Variants in RAB5C observed in about 807,000 individuals in gnomAD.
RAB5C encodes RAB5C, member RAS oncogene family.
A neutral mutation model predicts 25.2 loss-of-function variants in RAB5C; 4 were observed. That is an observed-to-expected ratio of 0.16 (90% confidence interval 0.08 to 0.36). The LOEUF (loss-of-function observed/expected upper bound fraction) is 0.36. Ranked by LOEUF, RAB5C falls within the 10% of genes least tolerant of loss-of-function variation. The pLI is 1.00. For synonymous variants in RAB5C, 100 were observed against 106.4 expected (o/e 0.94, Z 0.37); for missense variants, 199 against 283.8 (o/e 0.70, Z 2.15).
At chr17:42,151,178 T>C (rs1359263166) in intron 1 of RAB5C, among the ~76,000 whole-genome samples, 1 of 152,186 alleles carries the variant, frequency 6.6e-6, no homozygotes, top group Non-Finnish European at 1.5e-5. Flanking sequence ...GGCTCACGCC[T>C]GTAATCCCAG....
At chr17:42,145,955 T>C (rs2079632584) in intron 1 of RAB5C, among the ~76,000 whole-genome samples, 1 of 152,128 alleles carries the variant, frequency 6.6e-6, no homozygotes, top group Non-Finnish European at 1.5e-5. Context: ...TACAGGTGCG[T>C]ACCACCATGC....
At chr17:42,137,951 A>G (rs2054554511) in intron 1 of RAB5C, 1 of 152,246 alleles carries the variant, frequency 6.6e-6, no homozygotes, top group South Asian at 2.1e-4. Context: ...GAACAAAGAT[A>G]CCCAAATGTT....
chr17:42,126,651 A>AG, intron 5 of RAB5C, 104 bp downstream of exon 5: 2 of 471,756 alleles, frequency 4.2e-6, no homozygotes, highest in Admixed American at 7.7e-5. Flanking sequence ...AAAAAAAAAA[A>AG]AAAAAAAGAG....
intron 4 of RAB5C, among the ~76,000 whole-genome samples, chr17:42,127,661 C>T (rs1270280820): frequency 6.6e-6 from 1 of 151,196 alleles, no homozygotes; most frequent in Non-Finnish European, 1.5e-5. Flanking sequence ...CTCCCCACCT[C>T]GGCCTCCTGA....
intron 1 of RAB5C, among the ~76,000 whole-genome samples, chr17:42,132,435 C>T (rs1244259106): frequency 1.3e-5 from 2 of 152,196 alleles, no homozygotes; most frequent in Admixed American, 6.5e-5. Context: ...CTCATTTCAC[C>T]TCAGTCAATG....
intron 1 of RAB5C, among the ~76,000 whole-genome samples, chr17:42,146,097 G>C (rs553407692): frequency 6.6e-6 from 1 of 152,082 alleles, no homozygotes; most frequent in Non-Finnish European, 1.5e-5. Flanking sequence ...GTGAGTCACC[G>C]CGCCTGGCCG....
chr17:42,149,866 G>C (rs2079658580), intron 1 of RAB5C, among the ~76,000 whole-genome samples: 1 of 146,446 alleles, frequency 6.8e-6, no homozygotes, highest in African/African-American at 2.5e-5. Flanking sequence ...TCATTATGTT[G>C]CCCAGGCTGG....
chr17:42,132,808 T>C (rs1011850450), intron 1 of RAB5C, among the ~76,000 whole-genome samples: 2 of 152,080 alleles, frequency 1.3e-5, no homozygotes, highest in African/African-American at 4.8e-5. Flanking sequence ...GCACAACTAT[T>C]ATCTCCTTCA....
At chr17:42,148,648 G>A (rs1340638274) in intron 1 of RAB5C, among the ~76,000 whole-genome samples, 2 of 152,238 alleles carry the variant, frequency 1.3e-5, no homozygotes, top group Non-Finnish European at 2.9e-5. Flanking sequence ...GCCCATGTAG[G>A]AGACAAGCCC....
Position 42,132,068 on chromosome 17 carries a change from T to C in RAB5C, c.-88-1478A>G, listed in dbSNP as rs1025514617. Reference sequence around the variant, plus strand: ...CAAGGGAAGTACATTCCCTCATGGTTAAGGGACAGCAATGTGGATGAACAG... The same window carrying C: ...CAAGGGAAGTACATTCCCTCATGGTCAAGGGACAGCAATGTGGATGAACAG... On this transcript the variant is annotated intron_variant, in intron 1 of 5. Transcript: ENST00000346213. Among the ~76,000 whole-genome samples the C allele has an allele frequency of 7.9e-5, 12 of 152,246 alleles. No individual in the cohort carries two copies. The East Asian group carries it at 2.3e-3, about 29-fold the overall frequency.
intron 1 of RAB5C, among the ~76,000 whole-genome samples, 183 bp from the exon 2 acceptor site, chr17:42,130,773 A>G (rs1206119982): frequency 6.6e-6 from 1 of 151,474 alleles, no homozygotes; most frequent in Non-Finnish European, 1.5e-5. Flanking sequence ...CTAGATGTCT[A>G]CCGGCTCTAC....
At chr17:42,130,145 G>A (rs1248969459) in intron 2 of RAB5C, 192 bp downstream of exon 2, 1 of 686,446 alleles carries the variant, frequency 1.5e-6, no homozygotes, top group Non-Finnish European at 2.3e-6. Flanking sequence ...ATGCTTACTA[G>A]CGATGCTTGA....
At chr17:42,151,480 G>A (rs1049170559) in intron 1 of RAB5C, among the ~76,000 whole-genome samples, 4 of 152,056 alleles carry the variant, frequency 2.6e-5, no homozygotes, top group African/African-American at 9.7e-5. Flanking sequence ...TACTTGCTTG[G>A]TGGGGCTGAA....
intron 1 of RAB5C, among the ~76,000 whole-genome samples, chr17:42,134,024 C>T (rs2054511868): frequency 2.0e-5 from 3 of 152,218 alleles, no homozygotes; most frequent in Non-Finnish European, 2.9e-5. Context: ...GTTTGCCTGG[C>T]CCTGCTTGGT....
intron 4 of RAB5C, 74 bp downstream of exon 4, chr17:42,128,187 C>G: frequency 1.3e-6 from 2 of 1,544,814 alleles, no homozygotes; most frequent in South Asian, 2.5e-5. Context: ...CTTCCCAAAG[C>G]CCCTGAGCAT....
intron 1 of RAB5C, among the ~76,000 whole-genome samples, chr17:42,144,114 A>C (rs2079618106): frequency 6.6e-6 from 1 of 152,148 alleles, no homozygotes; most frequent in East Asian, 1.9e-4. Flanking sequence ...CCAAAGTGTA[A>C]AATAAATATC....
chr17:42,128,258 C>T lies in RAB5C; in HGVS notation c.441+3G>A, dbSNP rs2054448155. The T allele has an allele frequency of 4.3e-6, 7 of 1,612,924 alleles. No individual in the cohort carries two copies. The highest frequency in any genetic ancestry group is 1.1e-5 in the South Asian group (1 of 90,908). ...CCTTCCCCCAAGTCTGTCATCTCCC[C>T]ACCTGGAATTCCACGGCTCTCTTGC... On this transcript the variant is annotated splice_donor_region_variant and intron_variant, in intron 4 of 5. Transcript: ENST00000346213.
Position 42,128,721 on chromosome 17 carries a change from C to G in RAB5C, c.246G>C (p.Arg82=). The G allele has an allele frequency of 6.3e-7, 1 of 1,584,796 alleles. No individual in the cohort carries two copies. The highest frequency in any genetic ancestry group is 8.6e-7 in the Non-Finnish European group (1 of 1,166,170). Residue 82 remains arginine (R), a synonymous_variant, in exon 3 of 6, where the codon CGG becomes CGC. Coordinates refer to ENST00000346213, the MANE Select transcript of RAB5C (RefSeq NM_004583.4). ...AGTACATGGGGGCCAGGCTGTGATACCGCTCCTGTCCAGCTGTGTCCCAGA... is the reference window on the plus strand; with the variant it reads ...AGTACATGGGGGCCAGGCTGTGATAGCGCTCCTGTCCAGCTGTGTCCCAGA... The part of the protein sequence containing the change: ...FEIWDTAGQE[R]YHSLAPMYYR...
intron 1 of RAB5C, among the ~76,000 whole-genome samples, chr17:42,135,272 T>C (rs2054525518): frequency 6.6e-6 from 1 of 151,176 alleles, no homozygotes; most frequent in African/African-American, 2.4e-5. Flanking sequence ...TTTTTTTTTT[T>C]TTTTTTGGAG....
Sources: allele counts gnomAD v4.1 joint callset (sites outside exome capture counted in the v4.1 genomes callset), GRCh38; gene constraint gnomAD v4.1.1; transcripts MANE v1.5; gene names NCBI Gene and HGNC (gene_info 2026-07-23, HGNC 2026-07-21).